SYTL2: variants seen among roughly 807,000 people sequenced by gnomAD.
SYTL2 encodes the protein synaptotagmin like 2.
SYTL2 carries 165 observed loss-of-function variants against 198.7 expected under a neutral mutation model. That is an observed-to-expected ratio of 0.83 (90% CI 0.73 to 0.94). The LOEUF is 0.94. Ranked by LOEUF, SYTL2 falls within the 40% of genes least tolerant of loss-of-function variation. The pLI is 0.00. For synonymous variants in SYTL2, 966 were observed against 917.7 expected, an observed-to-expected ratio of 1.05 and a Z score of -0.95; for missense variants, 2,835 against 2,582.8, an observed-to-expected ratio of 1.10 and a Z score of -2.12.
chr11:85,815,830 AC>A (rs2093060593), upstream of SYTL2, among the ~76,000 whole-genome samples: 1 of 152,170 alleles, frequency 6.6e-6, no homozygotes, highest in Non-Finnish European at 1.5e-5. Flanking sequence ...ATAATTTATA[AC>A]CCTGTGTATG....
At chr11:85,714,096 T>C (rs535878257) in intron 12 of SYTL2, among the ~76,000 whole-genome samples, 1 of 152,364 alleles carries the variant, frequency 6.6e-6, no homozygotes, top group African/African-American at 2.4e-5. Flanking sequence ...TCAAGTCTAC[T>C]CCAAACTACA....
chr11:85,845,931 A>T, the SYTL2 span, among the ~76,000 whole-genome samples: 2 of 152,214 alleles, frequency 1.3e-5, no homozygotes. Flanking sequence ...AAATAATAAT[A>T]AAATAAATAA....
In SYTL2 at chr11:85,800,807, A is replaced by C. The variant is rs541268215; in HGVS notation, c.-390+10147T>G. ...CCTGCAGAATCTGACCGGTAGAGCC[A>C]CGTCTCCTCCACACCCTTGGCTCCT... On this transcript the variant is annotated intron_variant, in intron 1 of 19. Transcript: ENST00000359152. 2.7e-4 allele frequency among the ~76,000 whole-genome samples: 41 copies of C among 152,328 alleles called. 1 individual carries two copies. The highest frequency in any genetic ancestry group is 8.7e-4 in the African/African-American group (36 of 41,586).
intron 7 of SYTL2, chr11:85,733,486 T>A (rs1350651687): frequency 6.5e-6 from 1 of 153,876 alleles, no homozygotes; most frequent in African/African-American, 2.4e-5. Context: ...TATAAACATT[T>A]CCAGTGGCAT....
At chr11:85,702,360 C>A (rs1353778474) in intron 16 of SYTL2, among the ~76,000 whole-genome samples, 1 of 151,938 alleles carries the variant, frequency 6.6e-6, no homozygotes, top group Non-Finnish European at 1.5e-5. Flanking sequence ...TGGTTAATTT[C>A]TTTGCAAAGG....
At chr11:85,802,074 A>G (rs993542750) in intron 1 of SYTL2, among the ~76,000 whole-genome samples, 5 of 151,922 alleles carry the variant, frequency 3.3e-5, no homozygotes, top group Non-Finnish European at 5.9e-5. Flanking sequence ...TCAGGCTCCC[A>G]AAGTGCTGGG....
chr11:85,696,300 C>A lies in SYTL2; in HGVS notation c.6457G>T (p.Val2153Leu), dbSNP rs2083395483. ...TTNPIFNHTMVYDGFRPEDLM... is the reference protein window; with the variant it reads ...TTNPIFNHTMLYDGFRPEDLM... ...TCTTCAGGCCTGAACCCATCATACA[C>A]CATAGTGTGGTTGAAGATAGGGTTG... Residue 2153 changes from valine to leucine, a missense_variant, in exon 19 of 20, where the codon GTG (valine) becomes TTG (leucine). Transcript: ENST00000359152. 1 of 1,614,028 alleles carries A rather than the reference C, an allele frequency of 6.2e-7. No homozygotes were observed. Among genetic ancestry groups the A allele is most frequent in the African/African-American group, 1.3e-5 (1 of 75,024 alleles).
chr11:85,756,327 T>A (rs1400525290), intron 2 of SYTL2, among the ~76,000 whole-genome samples: 1 of 152,146 alleles, frequency 6.6e-6, no homozygotes, highest in African/African-American at 2.4e-5. Context: ...AACAGCATGA[T>A]CCCCACTACC....
rs925003859 is a variant in SYTL2 at position 85,734,503 on chromosome 11, G to T, written c.826C>A (p.Arg276Ser). 1.2e-6 allele frequency: 2 copies of T among 1,614,082 alleles called. No homozygotes were observed. The highest frequency in any genetic ancestry group is 3.3e-5 in the Admixed American group (2 of 60,008). The change falls in exon 7 of 20, where the codon CGC (arginine) becomes AGC (serine). Residue 276 changes from arginine (R) to serine (S), a missense_variant. Transcript: ENST00000359152. ...TCTGTGCTACTGGAACTGGAGTTGC[G>T]CTTGAGGATCCCTCTCGGAGCCCCT... ...ARGAPRGILK[R>S]NSSSSSTDSE...
intron 11 of SYTL2, 92 bp downstream of exon 11, chr11:85,717,391 A>G (rs1316850580): frequency 1.8e-6 from 2 of 1,084,838 alleles, no homozygotes; most frequent in South Asian, 1.3e-5. Flanking sequence ...CCAATAATAA[A>G]TACTGTGTTA....
intron 2 of SYTL2, 138 bp downstream of exon 2, chr11:85,757,487 G>A: frequency 1.0e-6 from 1 of 967,758 alleles, no homozygotes; most frequent in East Asian, 2.4e-5. Flanking sequence ...TGTCCAGGAA[G>A]TAAACCTAAA....
rs905981056 is a variant in SYTL2, at chr11:85,727,444, G to A, written c.1914C>T (p.Gly638=). 5 of 1,536,014 alleles carry A rather than the reference G, an allele frequency of 3.3e-6. No homozygotes were observed. The African/African-American group carries it at 6.8e-5, about 21-fold the overall frequency. The change falls in exon 8 of 20, where the codon GGC becomes GGT. Residue 638 remains glycine (G), a synonymous_variant. Coordinates refer to ENST00000359152, the MANE Select transcript of SYTL2 (RefSeq NM_206927.4). ...PGILQPFESY[G]TPSQGSKNMD... ...TATTTTTACTCCCTTGACTTGGGGT[G>A]CCATAGCTTTCAAATGGTTGCAATA...
At chr11:85,714,379 T>C (rs547191607) in intron 12 of SYTL2, 34 bp downstream of exon 12, 2 of 1,530,640 alleles carry the variant, frequency 1.3e-6, no homozygotes, top group East Asian at 4.5e-5. Flanking sequence ...ACCCTCTGTC[T>C]CCATTTTTCT....
At chr11:85,737,993 G>A (rs145292377) in intron 4 of SYTL2, among the ~76,000 whole-genome samples, 35 of 152,304 alleles carry the variant, frequency 2.3e-4, no homozygotes, top group Non-Finnish European at 1.8e-4. Context: ...TCTTGCCTCA[G>A]GCACAGGAGG....
At chr11:85,760,728 A>C (rs1326872520) in intron 1 of SYTL2, among the ~76,000 whole-genome samples, 1 of 152,146 alleles carries the variant, frequency 6.6e-6, no homozygotes, top group Non-Finnish European at 1.5e-5. Flanking sequence ...TGAAATGGGC[A>C]ACATTGGCTT....
intron 1 of SYTL2, among the ~76,000 whole-genome samples, chr11:85,782,166 G>T (rs1376306167): frequency 1.3e-5 from 2 of 152,214 alleles, no homozygotes; most frequent in Admixed American, 1.3e-4. Flanking sequence ...GTTCCCAAAC[G>T]TCAATTCTTG....
At chr11:85,710,919 T>G (rs769517815) in intron 13 of SYTL2, among the ~76,000 whole-genome samples, 194 bp downstream of exon 13, 4 of 152,152 alleles carry the variant, frequency 2.6e-5, no homozygotes, top group African/African-American at 4.8e-5. Context: ...AAAGATTTGT[T>G]TATGATGGAT....
chr11:85,834,815 G>C, the SYTL2 span, among the ~76,000 whole-genome samples: 1 of 150,814 alleles, frequency 6.6e-6, no homozygotes, highest in African/African-American at 2.4e-5. Flanking sequence ...AGGTTGGAAT[G>C]TAGTGGCACA....
At position 85,724,247 on chromosome 11, in the gene SYTL2, C is replaced by T; in HGVS notation, c.5111G>A (p.Gly1704Glu). 6.4e-7 allele frequency: 1 copy of T among 1,568,762 alleles called. No individual in the cohort carries two copies. Among genetic ancestry groups the T allele is most frequent in the Non-Finnish European group, 8.6e-7 (1 of 1,163,766 alleles). The change falls in exon 8 of 20, where the codon GGA (glycine) becomes GAA (glutamate). Residue 1704 changes from glycine (G) to glutamate (E), a missense_variant. Physicochemically the swap from Gly to Glu is moderately conservative, Grantham distance 98. This residue lies in a region of SYTL2 where 2,645 missense variants were observed against 2,381.7 expected (regional missense o/e 1.11). Transcript: ENST00000359152. ...GQGTLQEPGFGEASEAISVSR... is the reference protein window; with the variant it reads ...GQGTLQEPGFEEASEAISVSR... Reference sequence around the variant, plus strand: ...CACACTAATTGCTTCAGAAGCCTCTCCAAAGCCAGGTTCCTGAAGAGTCCC... The same window carrying T: ...CACACTAATTGCTTCAGAAGCCTCTTCAAAGCCAGGTTCCTGAAGAGTCCC...
Sources: allele counts gnomAD v4.1 joint callset (sites outside exome capture counted in the v4.1 genomes callset), GRCh38; gene constraint gnomAD v4.1.1; regional missense constraint gnomAD v4.1.1; transcripts MANE v1.5; gene names NCBI Gene and HGNC (gene_info 2026-07-23, HGNC 2026-07-21).